The following DSCAM variants were observed in gnomAD, a reference collection of about 807,000 sequenced individuals.
DSCAM encodes cell adhesion molecule DSCAM.
In DSCAM, 47 loss-of-function variants were observed where a neutral mutation model predicts 217.7. That is an observed-to-expected ratio of 0.22 (90% CI 0.17 to 0.28). The LOEUF (loss-of-function observed/expected upper bound fraction) is 0.28. Ranked by LOEUF, DSCAM falls within the 10% of genes least tolerant of loss-of-function variation. The probability of loss-of-function intolerance (pLI) is 1.00; values close to 1 mark genes in which losing one functional copy is unlikely to be tolerated. For synonymous variants in DSCAM, 1,056 were observed against 1,015.3 expected (o/e 1.04, Z -0.76); for missense variants, 2,080 against 2,618.3 (o/e 0.79, Z 4.49).
At position 40,329,706 on chromosome 21, in the gene DSCAM, A is replaced by G. The variant is rs956839949; in HGVS notation, c.1783+8395T>C. ...GGACCTTCAGCCTTAAGACTATTCA[A>G]CCTTAAGAAAGAGTGAGCTGTAGTC... On this transcript the variant is annotated intron_variant, in intron 8 of 32. Coordinates refer to ENST00000400454, the MANE Select transcript of DSCAM (RefSeq NM_001389.5). Among the ~76,000 whole-genome samples the G allele has an allele frequency of 3.9e-5, 6 of 151,954 alleles. No individual in the cohort carries two copies. The South Asian group carries it at 1.0e-3, about 26-fold the overall frequency.
intron 15 of DSCAM, among the ~76,000 whole-genome samples, chr21:40,171,454 G>GT (rs1446374337): frequency 4.1e-4 from 62 of 151,830 alleles, no homozygotes; most frequent in Admixed American, 4.1e-3. Flanking sequence ...AGACTTAACT[G>GT]TTTTTAAGAA....
chr21:40,564,264 T>C (rs2076748399), intron 3 of DSCAM, among the ~76,000 whole-genome samples: 1 of 152,168 alleles, frequency 6.6e-6, no homozygotes, highest in Non-Finnish European at 1.5e-5. Context: ...AACAGACCAC[T>C]GCAGGGGAAA....
intron 3 of DSCAM, among the ~76,000 whole-genome samples, chr21:40,521,482 G>T (rs1163667383): frequency 6.6e-6 from 1 of 152,132 alleles, no homozygotes; most frequent in East Asian, 1.9e-4. Flanking sequence ...CCTCATTGTG[G>T]TTTGGATTTG....
chr21:40,254,274 T>C (rs887360074), intron 11 of DSCAM, among the ~76,000 whole-genome samples: 5 of 152,058 alleles, frequency 3.3e-5, no homozygotes, highest in Non-Finnish European at 1.5e-5. Context: ...TTACCCTGAA[T>C]GAAAAGACCA....
intron 1 of DSCAM, among the ~76,000 whole-genome samples, chr21:40,721,443 G>A (rs912284397): frequency 6.6e-6 from 1 of 152,144 alleles, no homozygotes; most frequent in Non-Finnish European, 1.5e-5. Flanking sequence ...AGAGCTCATT[G>A]ATGAGAGAAA....
At chr21:40,339,453 C>G in intron 6 of DSCAM, 38 bp from the exon 7 acceptor site, 1 of 1,532,704 alleles carries the variant, frequency 6.5e-7, no homozygotes, top group Non-Finnish European at 8.8e-7. Flanking sequence ...GTGGCACATA[C>G]AAATAATTAA....
At chr21:40,310,813 A>T (rs759871556) in intron 9 of DSCAM, among the ~76,000 whole-genome samples, 1 of 152,210 alleles carries the variant, frequency 6.6e-6, no homozygotes, top group African/African-American at 2.4e-5. Context: ...TTTATCTTTC[A>T]AAATTTGGGA....
intron 3 of DSCAM, among the ~76,000 whole-genome samples, chr21:40,548,045 G>C (rs547668730): frequency 2.6e-5 from 4 of 152,152 alleles, no homozygotes; most frequent in African/African-American, 9.7e-5. Flanking sequence ...GCAGAGCTGC[G>C]GAGGAGCGGG....
At chr21:40,654,864 C>T (rs764250499) in intron 3 of DSCAM, among the ~76,000 whole-genome samples, 1 of 152,148 alleles carries the variant, frequency 6.6e-6, no homozygotes, top group African/African-American at 2.4e-5. Context: ...GTGAAATATT[C>T]ACCTTCCAGA....
intron 3 of DSCAM, among the ~76,000 whole-genome samples, chr21:40,650,653 C>T (rs1317074333): frequency 2.6e-5 from 4 of 152,196 alleles, no homozygotes; most frequent in South Asian, 2.1e-4. Flanking sequence ...CTGTGGCTCA[C>T]GCCTGTAATC....
chr21:40,292,784 A>G (rs1601523731), intron 10 of DSCAM, among the ~76,000 whole-genome samples: 1 of 151,674 alleles, frequency 6.6e-6, no homozygotes, highest in East Asian at 1.9e-4. Context: ...GCTCTGTTGC[A>G]CAGGCTGGAG....
At chr21:40,090,819 C>T (rs1286952265) in intron 21 of DSCAM, among the ~76,000 whole-genome samples, 1 of 152,190 alleles carries the variant, frequency 6.6e-6, no homozygotes, top group Non-Finnish European at 1.5e-5. Context: ...TGCACAGATG[C>T]CTCTGAGTGA....
At chr21:40,023,104 T>A (rs1164568933) in intron 32 of DSCAM, among the ~76,000 whole-genome samples, 1 of 147,726 alleles carries the variant, frequency 6.8e-6, no homozygotes, top group Non-Finnish European at 1.5e-5. Flanking sequence ...TTCCCACCTA[T>A]GAGTGAGAAT....
intron 1 of DSCAM, among the ~76,000 whole-genome samples, chr21:40,712,904 C>T (rs933190225): frequency 6.6e-6 from 1 of 152,096 alleles, no homozygotes; most frequent in Non-Finnish European, 1.5e-5. Context: ...ACTGTGGCCC[C>T]CCTTCCACTA....
chr21:40,577,338 G>A (rs1008623835), intron 3 of DSCAM, among the ~76,000 whole-genome samples: 42 of 151,690 alleles, frequency 2.8e-4, no homozygotes, highest in African/African-American at 9.9e-4. Context: ...ACCTGACCCC[G>A]GGGTGAGAAG....
At chr21:40,568,056 G>A (rs1242098655) in intron 3 of DSCAM, among the ~76,000 whole-genome samples, 1 of 151,920 alleles carries the variant, frequency 6.6e-6, no homozygotes, top group Non-Finnish European at 1.5e-5. Flanking sequence ...TAGATAATCA[G>A]TATGTTTTCC....
intron 32 of DSCAM, among the ~76,000 whole-genome samples, chr21:40,015,953 C>A (rs1019432610): frequency 6.6e-6 from 1 of 152,204 alleles, no homozygotes; most frequent in Non-Finnish European, 1.5e-5. Context: ...TTTTGAGGAA[C>A]AGGCAGACAA....
intron 1 of DSCAM, among the ~76,000 whole-genome samples, chr21:40,768,245 C>T (rs2085013450): frequency 6.6e-6 from 1 of 152,088 alleles, no homozygotes; most frequent in African/African-American, 2.4e-5. Context: ...TGAATTGCAC[C>T]CAGATGGCAC....
chr21:40,705,647 C>T (rs2090706438), intron 2 of DSCAM, among the ~76,000 whole-genome samples: 1 of 152,114 alleles, frequency 6.6e-6, no homozygotes, highest in African/African-American at 2.4e-5. Flanking sequence ...TCGTGAGACT[C>T]ACTCACTCTC....
Sources: gnomAD v4.1 joint callset for allele counts (sites outside exome capture counted in the v4.1 genomes callset) on GRCh38, gnomAD v4.1.1 for gene constraint, MANE v1.5 for transcripts, NCBI Gene and HGNC (gene_info 2026-07-23, HGNC 2026-07-21) for gene names.